Variants in SYNE2 observed in about 807,000 individuals in gnomAD.
SYNE2 encodes spectrin repeat containing nuclear envelope protein 2.
Under a neutral mutation model 856.3 loss-of-function variants are expected in SYNE2, and 431 were observed. That is an observed-to-expected ratio of 0.50 (90% CI 0.47 to 0.55). SYNE2 has a LOEUF of 0.55. Ranked by LOEUF, SYNE2 falls within the 20% of genes least tolerant of loss-of-function variation. The pLI, the probability that SYNE2 is intolerant of heterozygous loss-of-function variation, is 0.00. For synonymous variants in SYNE2, 2,923 were observed against 2,872.3 expected (o/e 1.02, Z -0.56); for missense variants, 8,129 against 8,023.2 (o/e 1.01, Z -0.50).
chr14:63,905,346 A>G (rs2095394844), intron 1 of SYNE2, among the ~76,000 whole-genome samples: 1 of 152,100 alleles, frequency 6.6e-6, no homozygotes, highest in South Asian at 2.1e-4. Flanking sequence ...TTCTGTGAAG[A>G]ATGTTCATAG....
intron 14 of SYNE2, among the ~76,000 whole-genome samples, chr14:63,979,318 C>T (rs796749499): frequency 6.6e-6 from 1 of 152,138 alleles, no homozygotes; most frequent in Admixed American, 6.5e-5. Context: ...TCCGCTTTCA[C>T]TTACTTGAAA....
chr14:63,837,257 G>A (rs1182430609), intron 1 of SYNE2, among the ~76,000 whole-genome samples: 2 of 152,166 alleles, frequency 1.3e-5, no homozygotes, highest in Non-Finnish European at 2.9e-5. Context: ...AAAGACTGAA[G>A]CTGGACCCCT....
At chr14:63,827,013 C>CA (rs1205112279) in intron 1 of SYNE2, among the ~76,000 whole-genome samples, 1 of 152,100 alleles carries the variant, frequency 6.6e-6, no homozygotes, top group Non-Finnish European at 1.5e-5. Context: ...CACGGTAGCT[C>CA]ACGGCTGTAA....
At chr14:64,017,830 A>T in intron 34 of SYNE2, 74 bp downstream of exon 34, 1 of 1,452,002 alleles carries the variant, frequency 6.9e-7, no homozygotes, top group Non-Finnish European at 9.6e-7. Flanking sequence ...AATATAGTCA[A>T]CAAACATTAG....
intron 1 of SYNE2, among the ~76,000 whole-genome samples, chr14:63,876,697 A>G (rs573358130): frequency 3.9e-5 from 6 of 152,264 alleles, no homozygotes; most frequent in South Asian, 2.1e-4. Flanking sequence ...CGTGTTAGCC[A>G]GGATGGTCTC....
At chr14:63,922,266 A>G (rs1011441993) in intron 2 of SYNE2, among the ~76,000 whole-genome samples, 43 of 152,308 alleles carry the variant, frequency 2.8e-4, no homozygotes, top group Admixed American at 2.0e-4. Context: ...CAGCCTCCCA[A>G]AGTGCTGAGA....
chr14:63,941,246 G>C (rs2095910910), intron 3 of SYNE2, among the ~76,000 whole-genome samples: 2 of 152,178 alleles, frequency 1.3e-5, no homozygotes, highest in Admixed American at 6.5e-5. Flanking sequence ...TGAGTGTCTA[G>C]AGTAACCTAG....
rs1452977660 is a variant in SYNE2, at chr14:63,762,428, T to A, written c.-305+442T>A. ...CCAGCCTGGGCAACAGGAGTGAAAC[T>A]CCATCTCAAAAAAAAAAAAAAAAAA... is the stretch of plus-strand genomic sequence containing the variant. On this transcript the variant is annotated intron_variant, in intron 1 of 23. Transcript: ENST00000674003. Among the ~76,000 whole-genome samples the A allele has an allele frequency of 1.0e-4, 11 of 109,078 alleles. No homozygotes were observed. In the Admixed American group the frequency reaches 1.2e-3, roughly 12 times the overall value. 71.6% of individuals were successfully genotyped at this position (109,078 alleles called of 152,430 possible). A position where few individuals can be genotyped will look rare whatever the true frequency, so the allele number is the denominator to read the frequency against.
chr14:64,058,835 CT>C (rs2097294044), intron 49 of SYNE2, among the ~76,000 whole-genome samples: 1 of 152,006 alleles, frequency 6.6e-6, no homozygotes, highest in East Asian at 1.9e-4. Context: ...TGTAGGCATG[CT>C]TTATTTTTTT....
rs114172221 is a variant in SYNE2, at chr14:64,015,958, C to T, written c.4729-515C>T. On this transcript the variant is annotated intron_variant, in intron 32 of 115. Coordinates refer to ENST00000555002, the MANE Select transcript of SYNE2 (RefSeq NM_182914.3). ...GACTGGTATTTAGAAGTATGTTGCT[C>T]AGTTTCCCAGTGATTGGAGATTTTC... is the stretch of plus-strand genomic sequence containing the variant. 5.7e-3 allele frequency among the ~76,000 whole-genome samples: 870 copies of T among 152,122 alleles called. 13 individuals are homozygous for T. Among genetic ancestry groups the T allele is most frequent in the African/African-American group, 0.02 (847 of 41,518 alleles).
At chr14:63,791,745 C>T (rs1268508717) in intron 1 of SYNE2, among the ~76,000 whole-genome samples, 2 of 151,926 alleles carry the variant, frequency 1.3e-5, no homozygotes, top group Non-Finnish European at 2.9e-5. Flanking sequence ...AGATTGAGAC[C>T]ATCCTGGCTA....
At chr14:64,212,473 C>T (rs543980889) in intron 104 of SYNE2, among the ~76,000 whole-genome samples, 2 of 152,304 alleles carry the variant, frequency 1.3e-5, no homozygotes, top group South Asian at 2.1e-4. Flanking sequence ...AAGCAAATGC[C>T]CATTCGTGGC....
intron 11 of SYNE2, 84 bp from the exon 12 acceptor site, chr14:63,976,479 A>G: frequency 2.8e-6 from 4 of 1,448,596 alleles, no homozygotes; most frequent in Non-Finnish European, 3.8e-6. Context: ...AGAAACTTCA[A>G]AGAATCAAAC....
intron 23 of SYNE2, among the ~76,000 whole-genome samples, chr14:63,995,689 C>T (rs1299146788): frequency 1.3e-5 from 2 of 152,006 alleles, no homozygotes; most frequent in Non-Finnish European, 2.9e-5. Flanking sequence ...GTGGCTCTCC[C>T]ACTGTCAGTC....
intron 84 of SYNE2, among the ~76,000 whole-genome samples, chr14:64,150,394 A>AT (rs1193379341): frequency 7.0e-6 from 1 of 142,092 alleles, no homozygotes; most frequent in Non-Finnish European, 1.5e-5. Flanking sequence ...TAACTTTTGT[A>AT]TTTTTTTGTA....
intron 50 of SYNE2, 59 bp downstream of exon 50, chr14:64,062,954 G>T: frequency 6.3e-7 from 1 of 1,594,336 alleles, no homozygotes; most frequent in Non-Finnish European, 8.6e-7. Flanking sequence ...GAACAAACTG[G>T]CAGAGGCAGC....
intron 1 of SYNE2, among the ~76,000 whole-genome samples, chr14:63,798,989 C>T (rs1256123046): frequency 6.6e-6 from 1 of 152,198 alleles, no homozygotes; most frequent in Non-Finnish European, 1.5e-5. Flanking sequence ...TCACCAAGAA[C>T]ATTTTCTAAA....
At chr14:63,877,120 C>T (rs761672957) in intron 1 of SYNE2, among the ~76,000 whole-genome samples, 81 of 152,252 alleles carry the variant, frequency 5.3e-4, no homozygotes, top group Admixed American at 5.9e-4. Context: ...TCAAAAATGG[C>T]ACAGCCACTT....
chr14:64,037,819 C>T (rs1282985970), intron 45 of SYNE2, among the ~76,000 whole-genome samples: 2 of 148,124 alleles, frequency 1.4e-5, no homozygotes, highest in Non-Finnish European at 3.0e-5. Flanking sequence ...ACCTCCCGGA[C>T]GGGGCGGCTG....
Sources: allele counts gnomAD v4.1 joint callset (sites outside exome capture counted in the v4.1 genomes callset), GRCh38; gene constraint gnomAD v4.1.1; transcripts MANE v1.5; gene names NCBI Gene and HGNC (gene_info 2026-07-23, HGNC 2026-07-21).